The following SH3TC2 variants were observed in gnomAD, a reference collection of about 807,000 sequenced individuals.
SH3TC2 encodes SH3 domain and tetratricopeptide repeats 2, also known as SH3 domain and tetratricopeptide repeat-containing protein 2.
In SH3TC2, 87 loss-of-function variants were observed where a neutral mutation model predicts 124.5. That is an observed-to-expected ratio of 0.70 (90% CI 0.59 to 0.84). The LOEUF (loss-of-function observed/expected upper bound fraction) is 0.84, where lower values mean the gene tolerates loss of function less well. SH3TC2 is among the 40% of genes least tolerant of loss of function. SH3TC2 has a pLI of 0.00. For synonymous variants in SH3TC2, 634 were observed against 628.5 expected, an observed-to-expected ratio of 1.01 and a Z score of -0.13; for missense variants, 1,536 against 1,566.4, an observed-to-expected ratio of 0.98 and a Z score of 0.33.
Position 148,986,489 on chromosome 5 carries a change from T to C in SH3TC2, c.*18222A>G, listed in dbSNP as rs1395832354. Among the ~76,000 whole-genome samples, 2 of 152,210 alleles carry C rather than the reference T, an allele frequency of 1.3e-5. No homozygotes were observed. Among genetic ancestry groups the C allele is most frequent in the African/African-American group, 4.8e-5 (2 of 41,446 alleles). On this transcript the variant is annotated 3_prime_UTR_variant, in exon 17 of 17. Coordinates refer to ENST00000515425, the MANE Select transcript of SH3TC2 (RefSeq NM_024577.4). ...GTCTTACTTTTATCATAGCACTCAT[T>C]TTTCTGCTGTTTCTCTGACCCTTTG...
At chr5:149,009,238 T>C (rs1490178482) in intron 14 of SH3TC2, among the ~76,000 whole-genome samples, 1 of 152,156 alleles carries the variant, frequency 6.6e-6, no homozygotes, top group Admixed American at 6.5e-5. Flanking sequence ...CTTCCTATAA[T>C]TGGGGAAACC....
rs75086059 is a variant in SH3TC2, at chr5:148,987,675, G to A, written c.*17036C>T. ...CAGAAACAAAGGGAAACCTTATAACGAGTGTGGTGGAGTGATTCAGTGAAG... is the reference window on the plus strand; with the variant it reads ...CAGAAACAAAGGGAAACCTTATAACAAGTGTGGTGGAGTGATTCAGTGAAG... On this transcript the variant is annotated 3_prime_UTR_variant, in exon 17 of 17. Coordinates refer to ENST00000515425, the MANE Select transcript of SH3TC2 (RefSeq NM_024577.4). Among the ~76,000 whole-genome samples, 5 of 152,054 alleles carry A rather than the reference G, an allele frequency of 3.3e-5. No individual in the cohort carries two copies. Among genetic ancestry groups the A allele is most frequent in the Admixed American group, 6.5e-5 (1 of 15,280 alleles).
rs565071659 is a variant in SH3TC2, at chr5:149,016,297, C to A, written c.3054-3563G>T. ...TTCAGAGTCTGACCCAGAACCCTTA[C>A]ATTTACACCCTCCAGCAGTGCCGAA... is the stretch of plus-strand genomic sequence containing the variant. On this transcript the variant is annotated intron_variant, in intron 12 of 16. Coordinates refer to ENST00000515425, the MANE Select transcript of SH3TC2 (RefSeq NM_024577.4). Among the ~76,000 whole-genome samples the A allele has an allele frequency of 2.6e-5, 4 of 152,328 alleles. No individual in the cohort carries two copies. In the East Asian group the frequency reaches 7.7e-4, roughly 29 times the overall value.
At chr5:149,005,582 C>T (rs964067310) in intron 16 of SH3TC2, among the ~76,000 whole-genome samples, 1 of 152,176 alleles carries the variant, frequency 6.6e-6, no homozygotes, top group African/African-American at 2.4e-5. Context: ...GAACCACTTA[C>T]TGGGAGCTAT....
rs537134516 is a variant in SH3TC2, at chr5:149,028,149, G to A, written c.1583C>T (p.Ala528Val). 255 of 1,614,094 alleles carry A rather than the reference G, an allele frequency of 1.6e-4. 2 individuals carry two copies. In the South Asian group the frequency reaches 2.6e-3, roughly 17 times the overall value. ...CCGGCCCAGGAGGAAGCAGAGACGG[G>A]CATGGGCCCAGGTCATGTGGCTCTT... Reference protein sequence around the residue: ...AKKSHMTWAHARLCFLLGRLS... With the variant: ...AKKSHMTWAHVRLCFLLGRLS... The change falls in exon 11 of 17, where the codon GCC becomes GTC. Residue 528 changes from alanine (A) to valine (V), a missense_variant. Ala to Val is a moderately conservative substitution (Grantham distance 64, BLOSUM62 0). This residue lies in a region of SH3TC2 where 1,102 missense variants were observed against 1,098.6 expected (regional missense o/e 1.00). Transcript: ENST00000515425.
chr5:148,986,975 G>A lies in SH3TC2; in HGVS notation c.*17736C>T, dbSNP rs901736015. On this transcript the variant is annotated 3_prime_UTR_variant, in exon 17 of 17. Coordinates refer to ENST00000515425, the MANE Select transcript of SH3TC2 (RefSeq NM_024577.4). ...TTCAAAGACTCCAGTTCAATGCCAG[G>A]GAGCTATTGTTTCTAAAATGATTTT... Among the ~76,000 whole-genome samples the A allele has an allele frequency of 6.6e-6, 1 of 152,152 alleles. No individual in the cohort carries two copies. Among genetic ancestry groups the A allele is most frequent in the Non-Finnish European group, 1.5e-5 (1 of 68,024 alleles).
intron 12 of SH3TC2, among the ~76,000 whole-genome samples, chr5:149,020,049 C>T (rs1393688927): frequency 6.6e-6 from 1 of 150,902 alleles, no homozygotes; most frequent in Non-Finnish European, 1.5e-5. Flanking sequence ...TAATTAGTAG[C>T]AATTGTTTAA....
intron 1 of SH3TC2, chr5:149,057,558 A>C (rs1754671293): frequency 6.6e-6 from 1 of 152,230 alleles, no homozygotes; most frequent in Non-Finnish European, 1.5e-5. Flanking sequence ...CTATTCAAAA[A>C]TATGGAACAC....
rs1295089487 is a variant in SH3TC2 at position 149,018,040 on chromosome 5, T to C, written c.3054-5306A>G. Reference sequence around the variant, plus strand: ...AAACACTTACTATATGATTCTTTATTTGAAAAGCTTGCTAACCCTGCTCTA... The same window carrying C: ...AAACACTTACTATATGATTCTTTATCTGAAAAGCTTGCTAACCCTGCTCTA... On this transcript the variant is annotated intron_variant, in intron 12 of 16. Coordinates refer to ENST00000515425, the MANE Select transcript of SH3TC2 (RefSeq NM_024577.4). 3.3e-5 allele frequency among the ~76,000 whole-genome samples: 5 copies of C among 152,386 alleles called. No homozygotes were observed. The South Asian group carries it at 6.2e-4, about 19-fold the overall frequency.
chr5:149,035,540 C>T (rs1471472148), intron 8 of SH3TC2: 1 of 152,630 alleles, frequency 6.6e-6, no homozygotes. Flanking sequence ...TGGGTCATTC[C>T]TCTGAGCTCA....
chr5:149,049,651 G>T (rs896256855), intron 2 of SH3TC2, among the ~76,000 whole-genome samples: 9 of 152,040 alleles, frequency 5.9e-5, no homozygotes, highest in African/African-American at 2.2e-4. Context: ...TGGGCATGGT[G>T]GTGCATGCCT....
intron 9 of SH3TC2, 73 bp from the exon 10 acceptor site, chr5:149,028,791 C>T: frequency 6.6e-7 from 1 of 1,511,618 alleles, no homozygotes; most frequent in Non-Finnish European, 9.2e-7. Context: ...CAGGTGTACC[C>T]CAGATCAGTG....
chr5:149,047,556 T>G (rs1288489398), intron 3 of SH3TC2: 1 of 359,600 alleles, frequency 2.8e-6, no homozygotes, highest in Non-Finnish European at 5.3e-6. Context: ...CTTAATGAGG[T>G]AGGTATTATA....
chr5:149,008,753 A>G, intron 15 of SH3TC2, 98 bp downstream of exon 15: 1 of 1,549,604 alleles, frequency 6.5e-7, no homozygotes, highest in Non-Finnish European at 8.9e-7. Flanking sequence ...TTGAACCCAC[A>G]CAGTCTGACT....
chr5:148,995,688 T>C lies in SH3TC2; in HGVS notation c.*9023A>G, dbSNP rs1753498536. ...ACATTTCATTCCTTTATTTTTTTAT[T>C]CACCCATTCAACAAATCTTTATTGA... is the stretch of plus-strand genomic sequence containing the variant. On this transcript the variant is annotated 3_prime_UTR_variant, in exon 17 of 17. Transcript: ENST00000515425. Among the ~76,000 whole-genome samples the C allele has an allele frequency of 6.6e-6, 1 of 152,152 alleles. No homozygotes were observed. Among genetic ancestry groups the C allele is most frequent in the African/African-American group, 2.4e-5 (1 of 41,416 alleles).
In SH3TC2 at chr5:149,052,038, T is replaced by C. The variant is rs576449961; in HGVS notation, c.151+104A>G. 53 of 852,460 alleles carry C rather than the reference T, an allele frequency of 6.2e-5. No homozygotes were observed. The African/African-American group carries it at 8.0e-4, about 13-fold the overall frequency. 52.8% of individuals were successfully genotyped at this position (852,460 alleles called of 1,614,324 possible). On this transcript the variant is annotated intron_variant, in intron 2 of 16. Transcript: ENST00000515425. ...AGCAAATAGCATAGTCAAAATCTTT[T>C]CATCAAGAGGGAAAGAGGGAGGGGC...
rs1310778524 is a variant in SH3TC2 at position 149,047,732 on chromosome 5, A to AT, written c.279+129dup. 4.2e-6 allele frequency: 5 copies of AT among 1,198,194 alleles called. No homozygotes were observed. In the East Asian group the frequency reaches 1.2e-4, roughly 29 times the overall value. 74.2% of individuals were successfully genotyped at this position (1,198,194 alleles called of 1,614,324 possible). ...AGAATGTGCACGGAATCTTTCATTC[A>AT]TTCAGTCTACCTATTAGATGTTTTT... On this transcript the variant is annotated intron_variant, in intron 3 of 16. Transcript: ENST00000515425.
At position 149,004,627 on chromosome 5, in the gene SH3TC2, A is replaced by G. The variant is rs1753653024; in HGVS notation, c.*84T>C. ...GGGGCTAGGCCAGGTAAGGACTCGG[A>G]CCCTCCCAATGAGTATTTAAGAGCC... is the stretch of plus-strand genomic sequence containing the variant. On this transcript the variant is annotated 3_prime_UTR_variant, in exon 17 of 17. Coordinates refer to ENST00000515425, the MANE Select transcript of SH3TC2 (RefSeq NM_024577.4). 4 of 1,470,606 alleles carry G rather than the reference A, an allele frequency of 2.7e-6. No homozygotes were observed. Among genetic ancestry groups the G allele is most frequent in the Non-Finnish European group, 2.8e-6 (3 of 1,078,986 alleles). 91.1% of individuals were successfully genotyped at this position (1,470,606 alleles called of 1,614,324 possible). A position where few individuals can be genotyped will look rare whatever the true frequency, so the allele number is the denominator to read the frequency against.
At position 149,025,459 on chromosome 5, in the gene SH3TC2, CCT is replaced by C. The variant is rs891681233; in HGVS notation, c.3053+1111_3053+1112del. Among the ~76,000 whole-genome samples, 19 of 152,124 alleles carry C rather than the reference CCT, an allele frequency of 1.2e-4. 1 individual carries two copies. Among genetic ancestry groups the C allele is most frequent in the Admixed American group, 2.0e-4 (3 of 15,270 alleles). Reference sequence around the variant, plus strand: ...CATTTAATTACCCTCTCCTCAACAACCTCTCTCTCTGCTTAACAGTAGCGATT... The same window carrying C: ...CATTTAATTACCCTCTCCTCAACAACCTCTCTCTGCTTAACAGTAGCGATT... On this transcript the variant is annotated intron_variant, in intron 12 of 16. Transcript: ENST00000515425.
Sources: allele counts gnomAD v4.1 joint callset (sites outside exome capture counted in the v4.1 genomes callset), GRCh38; gene constraint gnomAD v4.1.1; regional missense constraint gnomAD v4.1.1; transcripts MANE v1.5; gene names NCBI Gene and HGNC (gene_info 2026-07-23, HGNC 2026-07-21).